The following MSI2 variants were observed in gnomAD, a reference collection of about 807,000 sequenced individuals.
The protein encoded by MSI2 is RNA-binding protein Musashi homolog 2.
A neutral mutation model predicts 45.6 loss-of-function variants in MSI2; 17 were observed. The observed-to-expected ratio is 0.37, with a 90% CI of 0.26 to 0.56. The LOEUF (loss-of-function observed/expected upper bound fraction) is 0.56. MSI2 is among the 20% of genes least tolerant of loss of function. MSI2 has a pLI of 0.77. For missense variants in MSI2, 293 were observed against 444.2 expected, an observed-to-expected ratio of 0.66 and a Z score of 3.06; for synonymous variants, 156 against 158.2, an observed-to-expected ratio of 0.99 and a Z score of 0.11.
chr17:57,676,291 C>G (rs1263777132), intron 12 of MSI2, among the ~76,000 whole-genome samples: 1 of 152,192 alleles, frequency 6.6e-6, no homozygotes, highest in East Asian at 1.9e-4. Context: ...CACGCACACA[C>G]AGGCGCACAC....
chr17:57,677,141 G>A, intron 13 of MSI2, 82 bp downstream of exon 13: 1 of 954,444 alleles, frequency 1.0e-6, no homozygotes, highest in South Asian at 1.3e-5. Context: ...GCACGTGCGT[G>A]CCCCTGTCTC....
intron 7 of MSI2, among the ~76,000 whole-genome samples, chr17:57,594,504 G>A (rs772422924): frequency 3.3e-5 from 5 of 152,172 alleles, no homozygotes; most frequent in African/African-American, 4.8e-5. Context: ...AGGAGCGCTT[G>A]AGGAACAAAT....
At chr17:57,288,561 A>G (rs1192658436) in intron 5 of MSI2, among the ~76,000 whole-genome samples, 6 of 152,088 alleles carry the variant, frequency 3.9e-5, no homozygotes, top group Admixed American at 3.3e-4. Flanking sequence ...CGTGCACCGG[A>G]GACTGAGGGA....
intron 5 of MSI2, among the ~76,000 whole-genome samples, chr17:57,397,162 A>G (rs1324429164): frequency 6.6e-6 from 1 of 152,138 alleles, no homozygotes; most frequent in East Asian, 1.9e-4. Flanking sequence ...CTCTACTGGT[A>G]TTAAGGCTGC....
intron 7 of MSI2, among the ~76,000 whole-genome samples, chr17:57,585,282 A>T (rs964417357): frequency 6.6e-6 from 1 of 152,214 alleles, no homozygotes; most frequent in Non-Finnish European, 1.5e-5. Flanking sequence ...GTGAGGCTAT[A>T]TACAGAGACA....
chr17:57,391,423 CA>C (rs1254797118), intron 5 of MSI2, among the ~76,000 whole-genome samples: 1 of 152,184 alleles, frequency 6.6e-6, no homozygotes, highest in African/African-American at 2.4e-5. Flanking sequence ...TCTGAGAAAC[CA>C]GGGTCAGTTA....
chr17:57,693,738 G>A, the MSI2 span, among the ~76,000 whole-genome samples: 1 of 152,208 alleles, frequency 6.6e-6, no homozygotes, highest in Non-Finnish European at 1.5e-5. Context: ...TTTCTTGACA[G>A]TGAGTTATTG....
chr17:57,305,094 G>A (rs1911769928), intron 5 of MSI2, among the ~76,000 whole-genome samples: 1 of 152,212 alleles, frequency 6.6e-6, no homozygotes, highest in African/African-American at 2.4e-5. Flanking sequence ...GTTATTAGGA[G>A]GTAGACCAGA....
rs1913538045 is a variant in MSI2, at chr17:57,680,571, G to T, written c.*1054G>T. ...TCCTTTGTCTGTGTGATAGACCTAA[G>T]AACTGTATTAGTGTTGTACCAGCCT... On this transcript the variant is annotated 3_prime_UTR_variant, in exon 14 of 14. Coordinates refer to ENST00000284073, the MANE Select transcript of MSI2 (RefSeq NM_138962.4). 1 of 227,578 alleles carries T rather than the reference G, an allele frequency of 4.4e-6. No individual in the cohort carries two copies. The highest frequency in any genetic ancestry group is 8.7e-6 in the Non-Finnish European group (1 of 114,616). 14.1% of individuals were successfully genotyped at this position (227,578 alleles called of 1,614,324 possible).
At chr17:57,540,848 C>T (rs1444510990) in intron 7 of MSI2, among the ~76,000 whole-genome samples, 1 of 152,212 alleles carries the variant, frequency 6.6e-6, no homozygotes, top group Non-Finnish European at 1.5e-5. Flanking sequence ...TCCCCCCTCC[C>T]ATTTGTGGTA....
chr17:57,502,602 G>GATATATATATATATATATATATATATAT (rs57142800), intron 6 of MSI2, among the ~76,000 whole-genome samples: 11 of 54,412 alleles, frequency 2.0e-4, no homozygotes, highest in Non-Finnish European at 3.3e-4. Flanking sequence ...ATGACTCTGA[G>GATATATATATATATATATATATATATAT]ATATATATAT....
intron 6 of MSI2, among the ~76,000 whole-genome samples, chr17:57,403,014 C>G (rs1432052695): frequency 5.3e-5 from 8 of 152,188 alleles, no homozygotes; most frequent in Non-Finnish European, 1.2e-4. Flanking sequence ...TGAGACAGGT[C>G]CGGCTTGCAT....
chr17:57,512,927 CT>C (rs2086385456), intron 6 of MSI2, among the ~76,000 whole-genome samples: 1 of 143,974 alleles, frequency 6.9e-6, no homozygotes. Flanking sequence ...CTGTTTAGTT[CT>C]TCTTATGTGC....
chr17:57,411,879 C>T (rs1487228908), intron 6 of MSI2, among the ~76,000 whole-genome samples: 3 of 151,758 alleles, frequency 2.0e-5, no homozygotes, highest in African/African-American at 4.8e-5. Flanking sequence ...TGGTGGCGGG[C>T]GCTTGTAATC....
At chr17:57,447,199 A>G (rs899737708) in intron 6 of MSI2, among the ~76,000 whole-genome samples, 1 of 152,062 alleles carries the variant, frequency 6.6e-6, no homozygotes, top group Non-Finnish European at 1.5e-5. Flanking sequence ...TGATCCTCCC[A>G]CCTCAGCCTC....
intron 7 of MSI2, among the ~76,000 whole-genome samples, chr17:57,575,646 G>C (rs1042470809): frequency 1.3e-5 from 2 of 152,086 alleles, no homozygotes; most frequent in Non-Finnish European, 2.9e-5. Context: ...CCAGGCTCTG[G>C]GTAGAAATTG....
intron 8 of MSI2, among the ~76,000 whole-genome samples, chr17:57,614,589 G>A (rs144071162): frequency 2.6e-5 from 4 of 152,072 alleles, no homozygotes; most frequent in African/African-American, 4.8e-5. Context: ...TCTTTTCTCC[G>A]TCACTATCAG....
chr17:57,531,103 G>C (rs1010271209), intron 7 of MSI2, among the ~76,000 whole-genome samples: 2 of 152,102 alleles, frequency 1.3e-5, no homozygotes. Context: ...TGGTGCCCGT[G>C]GTGGGCAATT....
intron 5 of MSI2, among the ~76,000 whole-genome samples, chr17:57,331,305 A>C (rs543678364): frequency 6.6e-6 from 1 of 152,250 alleles, no homozygotes; most frequent in East Asian, 1.9e-4. Context: ...CTGTGTTTCC[A>C]CGTGGTTCCT....
Sources: gnomAD v4.1 joint callset for allele counts (sites outside exome capture counted in the v4.1 genomes callset) on GRCh38, gnomAD v4.1.1 for gene constraint, MANE v1.5 for transcripts, NCBI Gene and HGNC (gene_info 2026-07-23, HGNC 2026-07-21) for gene names.